The following ITPR1 variants were observed in gnomAD, a reference collection of about 807,000 sequenced individuals.
The protein encoded by ITPR1 is inositol 1,4,5-trisphosphate receptor type 1.
ITPR1 carries 96 observed loss-of-function variants against 318.4 expected under a neutral mutation model. That is an observed-to-expected ratio of 0.30 (90% CI 0.26 to 0.36). The LOEUF is 0.36. Ranked by LOEUF, ITPR1 falls within the 10% of genes least tolerant of loss-of-function variation. ITPR1 has a pLI of 1.00. For missense variants in ITPR1, 2,440 were observed against 3,460.2 expected (o/e 0.71, Z 7.40); for synonymous variants, 1,312 against 1,289.9 (o/e 1.02, Z -0.37).
At chr3:4,651,115 C>T (rs984558854) in intron 10 of ITPR1, among the ~76,000 whole-genome samples, 2 of 152,174 alleles carry the variant, frequency 1.3e-5, no homozygotes, top group Non-Finnish European at 2.9e-5. Flanking sequence ...CACATGATCC[C>T]TCAGCTTTGG....
Position 4,768,381 on chromosome 3 carries a change from T to C in ITPR1, c.5726-130T>C, listed in dbSNP as rs138437009. 1.3e-3 allele frequency: 1,401 copies of C among 1,070,714 alleles called. 11 individuals are homozygous for C. In the African/African-American group the frequency reaches 0.02, roughly 15 times the overall value. The allele number at this position is 1,070,714 out of a possible 1,614,324, so 66.3% of individuals were successfully genotyped here. A position where few individuals can be genotyped will look rare whatever the true frequency, so the allele number is the denominator to read the frequency against. On this transcript the variant is annotated intron_variant, in intron 45 of 61. Transcript: ENST00000649015. ...GGACTGAGAGCAGATTGTGACTTCT[T>C]TGAGTGTTTTGCCAACTTTGAACGT...
In ITPR1 at chr3:4,680,650, C is replaced by G. The variant is rs776952624; in HGVS notation, c.3065C>G (p.Ser1022Cys). ...AGCAATTCCCAGACTTCAGAAACAT[C>G]CTCCGGAAACAGCAGCCAAGAAGGG... ...DESNSQTSETSSGNSSQEGPS... is the reference protein window; with the variant it reads ...DESNSQTSETCSGNSSQEGPS... Residue 1022 changes from serine to cysteine, a missense_variant, in exon 25 of 62, where the codon TCC becomes TGC. Ser to Cys is a moderately radical substitution (Grantham distance 112). Around this residue, in one of 23 missense-constraint regions of ITPR1, gnomAD observed 57 missense variants for 46.2 expected, o/e 1.23. Transcript: ENST00000649015. 1 of 1,613,692 alleles carries G rather than the reference C, an allele frequency of 6.2e-7. No individual in the cohort carries two copies. The highest frequency in any genetic ancestry group is 8.5e-7 in the Non-Finnish European group (1 of 1,179,726).
At chr3:4,530,779 A>G (rs1197396131) in intron 4 of ITPR1, among the ~76,000 whole-genome samples, 1 of 151,736 alleles carries the variant, frequency 6.6e-6, no homozygotes, top group Non-Finnish European at 1.5e-5. Flanking sequence ...AGACTCAACA[A>G]CAACAACAAC....
chr3:4,739,217 G>A (rs572620638), intron 44 of ITPR1, among the ~76,000 whole-genome samples: 4 of 152,310 alleles, frequency 2.6e-5, no homozygotes, highest in African/African-American at 7.2e-5. Context: ...AGCCTGACTT[G>A]GGCTAAGACC....
At chr3:4,601,453 A>T (rs898059561) in intron 4 of ITPR1, among the ~76,000 whole-genome samples, 2 of 151,276 alleles carry the variant, frequency 1.3e-5, no homozygotes, top group Non-Finnish European at 2.9e-5. Flanking sequence ...CAGGAGGTCG[A>T]GGCTGCACTG....
intron 53 of ITPR1, among the ~76,000 whole-genome samples, chr3:4,799,444 G>A (rs1022447928): frequency 5.9e-5 from 9 of 152,246 alleles, no homozygotes; most frequent in Admixed American, 2.0e-4. Context: ...CTCCGCAGGC[G>A]TGGACTCAAT....
intron 12 of ITPR1, among the ~76,000 whole-genome samples, chr3:4,655,254 A>G (rs1208848843): frequency 6.6e-6 from 1 of 152,092 alleles, no homozygotes; most frequent in African/African-American, 2.4e-5. Flanking sequence ...CTGTGGTGAC[A>G]TGGAGGAAAT....
chr3:4,720,387 G>A (rs2042064481), intron 40 of ITPR1, among the ~76,000 whole-genome samples: 1 of 152,204 alleles, frequency 6.6e-6, no homozygotes, highest in Non-Finnish European at 1.5e-5. Context: ...GCCCCAACAG[G>A]TAATCATGTG....
At chr3:4,818,697 T>C (rs1489280465) in intron 60 of ITPR1, among the ~76,000 whole-genome samples, 1 of 152,200 alleles carries the variant, frequency 6.6e-6, no homozygotes, top group Non-Finnish European at 1.5e-5. Context: ...CAGCCTCGCC[T>C]TTCTGGGAGA....
intron 4 of ITPR1, among the ~76,000 whole-genome samples, chr3:4,589,358 C>A (rs956630017): frequency 2.6e-5 from 4 of 152,138 alleles, no homozygotes; most frequent in South Asian, 2.1e-4. Context: ...CAGTCGTGAT[C>A]TGCAGCTTGA....
intron 21 of ITPR1, 111 bp from the exon 22 acceptor site, chr3:4,674,091 C>A: frequency 1.3e-6 from 1 of 771,452 alleles, no homozygotes; most frequent in Non-Finnish European, 2.1e-6. Context: ...AAAGTAGGGT[C>A]AAGGGATGCC....
chr3:4,563,129 G>C (rs1271411543), intron 4 of ITPR1, among the ~76,000 whole-genome samples: 1 of 152,292 alleles, frequency 6.6e-6, no homozygotes, highest in South Asian at 2.1e-4. Context: ...TACGTGCAGT[G>C]TTGGAGAAAC....
chr3:4,593,141 C>T (rs1466808319), intron 4 of ITPR1, among the ~76,000 whole-genome samples: 6 of 152,316 alleles, frequency 3.9e-5, no homozygotes, highest in Admixed American at 3.3e-4. Context: ...TTGAACAACA[C>T]GATGCGGTGT....
intron 4 of ITPR1, among the ~76,000 whole-genome samples, chr3:4,611,911 C>G (rs992911080): frequency 8.6e-5 from 13 of 151,650 alleles, no homozygotes; most frequent in South Asian, 6.3e-4. Flanking sequence ...CAATGACTCT[C>G]CATGCACAGT....
chr3:4,827,102 T>C (rs1189010129), intron 60 of ITPR1, among the ~76,000 whole-genome samples: 1 of 152,234 alleles, frequency 6.6e-6, no homozygotes, highest in Non-Finnish European at 1.5e-5. Context: ...CCTGCATACA[T>C]GCACGTTTTC....
chr3:4,724,144 G>T (rs564001533), intron 40 of ITPR1, among the ~76,000 whole-genome samples: 1 of 152,166 alleles, frequency 6.6e-6, no homozygotes, highest in Admixed American at 6.5e-5. Flanking sequence ...TCAGAGGGAA[G>T]TTTTCTCCCT....
chr3:4,618,066 G>A (rs1291083135), intron 4 of ITPR1, among the ~76,000 whole-genome samples: 1 of 151,950 alleles, frequency 6.6e-6, no homozygotes, highest in African/African-American at 2.4e-5. Context: ...GGAGGTGGGG[G>A]GTAATTAACT....
At chr3:4,659,082 G>A (rs1559631582) in intron 13 of ITPR1, among the ~76,000 whole-genome samples, 1 of 152,176 alleles carries the variant, frequency 6.6e-6, no homozygotes, top group Non-Finnish European at 1.5e-5. Flanking sequence ...AAATGTTTAA[G>A]ACACATAGGG....
intron 44 of ITPR1, among the ~76,000 whole-genome samples, chr3:4,752,110 C>T (rs2044575448): frequency 1.3e-5 from 2 of 152,202 alleles, no homozygotes; most frequent in Admixed American, 1.3e-4. Context: ...AGTCTTCAAG[C>T]CTCGTTTTTC....
Sources: gnomAD v4.1 joint callset for allele counts (sites outside exome capture counted in the v4.1 genomes callset) on GRCh38, gnomAD v4.1.1 for gene constraint, gnomAD v4.1.1 regional missense constraint, MANE v1.5 for transcripts, NCBI Gene and HGNC (gene_info 2026-07-23, HGNC 2026-07-21) for gene names.